The following CCDC102B variants were observed in gnomAD, a reference collection of about 807,000 sequenced individuals.
CCDC102B encodes coiled-coil domain-containing protein 102B.
Under a neutral mutation model 57.4 loss-of-function variants are expected in CCDC102B, and 75 were observed. The observed-to-expected ratio is 1.31, with a 90% confidence interval of 1.08 to 1.58. The LOEUF (loss-of-function observed/expected upper bound fraction) is 1.58, where lower values mean the gene tolerates loss of function less well. CCDC102B is among the 40% of genes most tolerant of loss of function. CCDC102B has a pLI of 0.00. For missense variants in CCDC102B, 636 were observed against 582.6 expected, an observed-to-expected ratio of 1.09 and a Z score of -0.94; for synonymous variants, 206 against 201.9, an observed-to-expected ratio of 1.02 and a Z score of -0.17.
intron 2 of CCDC102B, among the ~76,000 whole-genome samples, chr18:68,739,315 T>C (rs2145219011): frequency 6.6e-6 from 1 of 152,336 alleles, no homozygotes. Context: ...CCATTTGTTT[T>C]TGATATGCAC....
At chr18:68,843,517 A>G (rs114706491) in intron 3 of CCDC102B, among the ~76,000 whole-genome samples, 2,512 of 152,238 alleles carry the variant, frequency 0.017, 76 homozygotes, top group African/African-American at 0.057. Flanking sequence ...CAAAGTATCA[A>G]AAAATGCATA....
intron 1 of CCDC102B, among the ~76,000 whole-genome samples, chr18:68,813,141 A>T (rs1456604415): frequency 1.3e-5 from 2 of 151,908 alleles, no homozygotes; most frequent in African/African-American, 4.8e-5. Flanking sequence ...TAGAGTTCTC[A>T]AGTGATCTGC....
At chr18:68,719,217 C>G (rs1309655266) in intron 2 of CCDC102B, among the ~76,000 whole-genome samples, 1 of 152,138 alleles carries the variant, frequency 6.6e-6, no homozygotes, top group African/African-American at 2.4e-5. Context: ...TGCTACCAAT[C>G]TTTATGAAAA....
At chr18:68,736,774 T>G (rs772857888) in intron 2 of CCDC102B, among the ~76,000 whole-genome samples, 1 of 152,066 alleles carries the variant, frequency 6.6e-6, no homozygotes, top group Admixed American at 6.5e-5. Context: ...CCCCCATGAT[T>G]CAATTACCTC....
intron 2 of CCDC102B, chr18:68,838,385 T>A (rs2037478310): frequency 1.0e-6 from 1 of 982,700 alleles, no homozygotes; most frequent in African/African-American, 1.7e-5. Flanking sequence ...GAGGAATTCA[T>A]CAACTCATTA....
At chr18:68,898,998 G>A (rs1426679701) in intron 6 of CCDC102B, among the ~76,000 whole-genome samples, 1 of 151,922 alleles carries the variant, frequency 6.6e-6, no homozygotes, top group African/African-American at 2.4e-5. Flanking sequence ...TAGTTATTTG[G>A]GCTGGGACTA....
At chr18:68,807,319 A>T (rs1408906545) in intron 1 of CCDC102B, among the ~76,000 whole-genome samples, 11 of 152,142 alleles carry the variant, frequency 7.2e-5, no homozygotes, top group Non-Finnish European at 2.9e-5. Flanking sequence ...GATAAAACTC[A>T]ATTTAGGAGT....
intron 6 of CCDC102B, chr18:68,908,014 C>T (rs1073739): frequency 0.9 from 137,000 of 152,176 alleles, 61,739 homozygotes; most frequent in Admixed American, 0.92. Context: ...TATTGCATTT[C>T]ATCATATGCT....
intron 7 of CCDC102B, among the ~76,000 whole-genome samples, chr18:69,037,673 C>T (rs200317730): frequency 1.1e-4 from 16 of 151,972 alleles, no homozygotes; most frequent in Admixed American, 2.0e-4. Flanking sequence ...AAGAGTAAAA[C>T]AAACACCACT....
chr18:69,030,553 C>A (rs1223702233), intron 7 of CCDC102B, among the ~76,000 whole-genome samples: 1 of 152,132 alleles, frequency 6.6e-6, no homozygotes, highest in Non-Finnish European at 1.5e-5. Flanking sequence ...CTTTGGGAAT[C>A]TTTTCTTGTT....
intron 6 of CCDC102B, among the ~76,000 whole-genome samples, chr18:68,949,704 C>A (rs2049641850): frequency 6.6e-6 from 1 of 152,098 alleles, no homozygotes; most frequent in Non-Finnish European, 1.5e-5. Flanking sequence ...ACTAAGAAAT[C>A]TTTTCTCTTT....
At chr18:68,771,309 G>A (rs1302583168) in intron 2 of CCDC102B, among the ~76,000 whole-genome samples, 2 of 152,220 alleles carry the variant, frequency 1.3e-5, no homozygotes, top group African/African-American at 4.8e-5. Flanking sequence ...GGGTCAGGAT[G>A]AGAAAATGTA....
intron 6 of CCDC102B, among the ~76,000 whole-genome samples, chr18:68,956,517 C>G (rs1599749859): frequency 4.6e-5 from 1 of 21,846 alleles, no homozygotes; most frequent in Non-Finnish European, 6.4e-5. Context: ...ATATATATCG[C>G]ATATTATATA....
intron 6 of CCDC102B, among the ~76,000 whole-genome samples, chr18:68,997,041 A>C (rs117573226): frequency 0.026 from 3,909 of 152,200 alleles, 115 homozygotes; most frequent in East Asian, 0.13. Flanking sequence ...ATGGTTTTAT[A>C]AGGGACTCCT....
intron 6 of CCDC102B, among the ~76,000 whole-genome samples, chr18:69,005,464 A>G (rs561445294): frequency 6.6e-6 from 1 of 152,222 alleles, no homozygotes; most frequent in Non-Finnish European, 1.5e-5. Flanking sequence ...GATAGAAATA[A>G]CATATATAAT....
At chr18:68,848,197 A>G (rs561057517) in intron 4 of CCDC102B, among the ~76,000 whole-genome samples, 17 of 152,048 alleles carry the variant, frequency 1.1e-4, no homozygotes, top group South Asian at 2.1e-4. Flanking sequence ...AAATATTCAA[A>G]GTCTCCGTAC....
At chr18:68,962,946 A>C (rs2050080175) in intron 6 of CCDC102B, among the ~76,000 whole-genome samples, 1 of 151,690 alleles carries the variant, frequency 6.6e-6, no homozygotes, top group Non-Finnish European at 1.5e-5. Flanking sequence ...AATTCTTCCC[A>C]TTTTTTTAAG....
rs900444713 is a variant in CCDC102B at position 69,017,603 on chromosome 18, A to G, written c.1434+6499A>G. Among the ~76,000 whole-genome samples, 6 of 152,324 alleles carry G rather than the reference A, an allele frequency of 3.9e-5. No individual in the cohort carries two copies. The East Asian group carries it at 9.6e-4, about 24-fold the overall frequency. On this transcript the variant is annotated intron_variant, in intron 7 of 7. Coordinates refer to ENST00000360242, the MANE Select transcript of CCDC102B (RefSeq NM_024781.3). Reference sequence around the variant, plus strand: ...TGACATAAATAGCAAACTAATTACCAGTCGAATGCATTAGCATAAACTTCT... The same window carrying G: ...TGACATAAATAGCAAACTAATTACCGGTCGAATGCATTAGCATAAACTTCT...
At position 69,011,035 on chromosome 18, in the gene CCDC102B, A is replaced by C. The variant is rs775289688; in HGVS notation, c.1365A>C (p.Glu455Asp). Reference sequence around the variant, plus strand: ...CAAACAACCGAGTGGATCAAAATGAAGCAGAAGTAAAGAAACTAAGATTAC... The same window carrying C: ...CAAACAACCGAGTGGATCAAAATGACGCAGAAGTAAAGAAACTAAGATTAC... ...THANNRVDQN[E>D]AEVKKLRLRV... The change falls in exon 7 of 8, where the codon GAA becomes GAC. Residue 455 changes from glutamate (E) to aspartate (D), a missense_variant. Physicochemically the swap from Glu to Asp is conservative, Grantham distance 45. Coordinates refer to ENST00000360242, the MANE Select transcript of CCDC102B (RefSeq NM_024781.3). 2 of 1,614,060 alleles carry C rather than the reference A, an allele frequency of 1.2e-6. No individual in the cohort carries two copies. The highest frequency in any genetic ancestry group is 3.3e-5 in the Admixed American group (2 of 60,026).
Sources: gnomAD v4.1 joint callset for allele counts (sites outside exome capture counted in the v4.1 genomes callset) on GRCh38, gnomAD v4.1.1 for gene constraint, MANE v1.5 for transcripts, NCBI Gene and HGNC (gene_info 2026-07-23, HGNC 2026-07-21) for gene names.